Variants in PPP4R4 observed in about 807,000 individuals in gnomAD.
The protein encoded by PPP4R4 is protein phosphatase 4 regulatory subunit 4.
A neutral mutation model predicts 121.8 loss-of-function variants in PPP4R4; 70 were observed. The observed-to-expected ratio is 0.57, with a 90% CI of 0.47 to 0.70. The LOEUF (loss-of-function observed/expected upper bound fraction) is 0.70, where lower values mean the gene tolerates loss of function less well. Among genes scored for constraint, PPP4R4 ranks in the 30% least tolerant of loss-of-function variants. The probability of loss-of-function intolerance (pLI) is 0.00; values close to 1 mark genes in which losing one functional copy is unlikely to be tolerated. For synonymous variants in PPP4R4, 348 were observed against 355.7 expected (o/e 0.98, Z 0.24); for missense variants, 875 against 1,033.6 (o/e 0.85, Z 2.10).
At chr14:94,239,184 C>T (rs1224146751) in intron 8 of PPP4R4, among the ~76,000 whole-genome samples, 1 of 148,644 alleles carries the variant, frequency 6.7e-6, no homozygotes, top group Non-Finnish European at 1.5e-5. Context: ...TCCTAGCCAA[C>T]TCCTTCTGCT....
intron 2 of PPP4R4, among the ~76,000 whole-genome samples, chr14:94,190,402 G>A (rs1417195291): frequency 6.6e-6 from 1 of 151,960 alleles, no homozygotes; most frequent in Non-Finnish European, 1.5e-5. Context: ...GAGGTCAGGA[G>A]TTTGAGACCA....
At chr14:94,199,443 T>C (rs1008434864) in intron 2 of PPP4R4, among the ~76,000 whole-genome samples, 6 of 152,142 alleles carry the variant, frequency 3.9e-5, no homozygotes, top group Non-Finnish European at 5.9e-5. Context: ...TGTTACAGGG[T>C]GCTCTTTCAG....
At chr14:94,227,848 C>A in intron 3 of PPP4R4, 1 of 986,556 alleles carries the variant, frequency 1.0e-6, no homozygotes. Flanking sequence ...CTTCTGAAAC[C>A]TGTAAGTGAT....
At position 94,219,173 on chromosome 14, in the gene PPP4R4, G is replaced by A. The variant is rs561587974; in HGVS notation, c.294+10607G>A. 6.2e-5 allele frequency among the ~76,000 whole-genome samples: 9 copies of A among 144,082 alleles called. No homozygotes were observed. In the East Asian group the frequency reaches 1.9e-3, roughly 31 times the overall value. The allele number at this position is 144,082 out of a possible 152,430, so 94.5% of individuals were successfully genotyped here. A position where few individuals can be genotyped will look rare whatever the true frequency, so the allele number is the denominator to read the frequency against. On this transcript the variant is annotated intron_variant, in intron 3 of 24. Transcript: ENST00000304338. The stretch of plus-strand genomic sequence containing the variant: ...AGGCTCACTGCAACCTCTGCCTCCC[G>A]GGTTCAAGCGATTCTCCTGCCTCAG...
In PPP4R4 at chr14:94,266,040, T is replaced by C. The variant is rs3748324; in HGVS notation, c.2378+153T>C. On this transcript the variant is annotated intron_variant, in intron 22 of 24. Transcript: ENST00000304338. ...GAGTGTTCTTCTGTAGGGATTGTTA[T>C]ATTTAAAAATAAGAGACCTCCAACA... Among the ~76,000 whole-genome samples the C allele has an allele frequency of 6.3e-4, 96 of 152,276 alleles. 1 individual carries two copies. The East Asian group carries it at 0.017, about 26-fold the overall frequency.
intron 16 of PPP4R4, among the ~76,000 whole-genome samples, chr14:94,254,538 CT>C (rs1328254496): frequency 6.6e-6 from 1 of 152,070 alleles, no homozygotes; most frequent in Non-Finnish European, 1.5e-5. Context: ...CTTCTTTACC[CT>C]TTTTGGTTAA....
chr14:94,186,642 T>C (rs1889302287), intron 2 of PPP4R4, among the ~76,000 whole-genome samples: 2 of 152,218 alleles, frequency 1.3e-5, no homozygotes, highest in Admixed American at 1.3e-4. Context: ...ATATAGTAAA[T>C]ATATGTTTAT....
intron 3 of PPP4R4, among the ~76,000 whole-genome samples, chr14:94,218,470 C>T (rs1424286535): frequency 1.7e-5 from 2 of 117,038 alleles, no homozygotes; most frequent in East Asian, 2.8e-4. Flanking sequence ...ACCGCACGCG[C>T]GCACACACAC....
rs762078954 is a variant in PPP4R4 at position 94,230,664 on chromosome 14, A to C, written c.372A>C (p.Ser124=). The C allele has an allele frequency of 1.6e-5, 25 of 1,612,748 alleles. No individual in the cohort carries two copies. In the Admixed American group the frequency reaches 4.2e-4, roughly 27 times the overall value. Residue 124 remains serine (S), a synonymous_variant, in exon 4 of 25, where the codon TCA becomes TCC. Coordinates refer to ENST00000304338, the MANE Select transcript of PPP4R4 (RefSeq NM_058237.2). ...MSFLTILQDE[S]VSIHAYTHSF... ...TTCTGACCATTCTGCAGGACGAATC[A>C]GTGTCAATTCATGCATATACCCACT...
intron 2 of PPP4R4, among the ~76,000 whole-genome samples, chr14:94,189,453 T>G (rs1338368124): frequency 6.6e-6 from 1 of 152,212 alleles, no homozygotes; most frequent in Non-Finnish European, 1.5e-5. Context: ...TTACATTTCT[T>G]CTGATTCAGT....
At chr14:94,254,408 G>A (rs1387283039) in intron 16 of PPP4R4, among the ~76,000 whole-genome samples, 1 of 152,188 alleles carries the variant, frequency 6.6e-6, no homozygotes, top group African/African-American at 2.4e-5. Context: ...ATTTATTTGG[G>A]GGGATTGATA....
intron 2 of PPP4R4, among the ~76,000 whole-genome samples, chr14:94,199,776 G>A (rs1890075484): frequency 1.3e-5 from 2 of 152,206 alleles, no homozygotes. Flanking sequence ...GCCAGTGCCT[G>A]TTATTGTGCT....
chr14:94,232,171 CAGA>C (rs1892074432), intron 5 of PPP4R4, among the ~76,000 whole-genome samples: 1 of 151,928 alleles, frequency 6.6e-6, no homozygotes, highest in African/African-American at 2.4e-5. Context: ...ATTACAATGA[CAGA>C]AGAAGAAAAA....
At chr14:94,254,521 G>A (rs1377237323) in intron 16 of PPP4R4, among the ~76,000 whole-genome samples, 4 of 152,168 alleles carry the variant, frequency 2.6e-5, no homozygotes, top group African/African-American at 9.7e-5. Flanking sequence ...AAATTCTACA[G>A]GAGGAGCTTC....
chr14:94,233,241 A>G (rs1424872243), intron 5 of PPP4R4, among the ~76,000 whole-genome samples: 1 of 152,234 alleles, frequency 6.6e-6, no homozygotes, highest in Non-Finnish European at 1.5e-5. Context: ...ATTATTTAAT[A>G]GGATTTATTT....
Position 94,278,732 on chromosome 14 carries a change from TTTTTAAATTTTGGG to T in PPP4R4, c.*94_*107del, listed in dbSNP as rs778297406. Reference sequence around the variant, plus strand: ...AGCTAAAGCAGTGGCTGGGGCTTTGTTTTTAAATTTTGGGTTTTTTTTTTTGTTGTTGTTAATGA... The same window carrying T: ...AGCTAAAGCAGTGGCTGGGGCTTTGTTTTTTTTTTTTGTTGTTGTTAATGA... On this transcript the variant is annotated 3_prime_UTR_variant, in exon 25 of 25. Transcript: ENST00000304338. The T allele has an allele frequency of 3.8e-4, 494 of 1,308,788 alleles. No individual in the cohort carries two copies. Among genetic ancestry groups the T allele is most frequent in the Non-Finnish European group, 4.6e-4 (453 of 993,714 alleles). 81.1% of individuals were successfully genotyped at this position (1,308,788 alleles called of 1,614,324 possible).
At chr14:94,277,232 C>T (rs1169906670) in intron 24 of PPP4R4, among the ~76,000 whole-genome samples, 1 of 152,038 alleles carries the variant, frequency 6.6e-6, no homozygotes. Context: ...ACCCGGGAGG[C>T]GGAGGTTTCA....
chr14:94,232,749 A>G (rs1356352699), intron 5 of PPP4R4, among the ~76,000 whole-genome samples: 6 of 152,118 alleles, frequency 3.9e-5, no homozygotes. Flanking sequence ...TAGATGAGAA[A>G]CTGGAGATTA....
At chr14:94,196,433 C>G (rs1276256196) in intron 2 of PPP4R4, among the ~76,000 whole-genome samples, 3 of 151,076 alleles carry the variant, frequency 2.0e-5, no homozygotes, top group Non-Finnish European at 4.4e-5. Flanking sequence ...CCTGCCTCAG[C>G]CTCCCAAGTG....
Sources: allele counts gnomAD v4.1 joint callset (sites outside exome capture counted in the v4.1 genomes callset), GRCh38; gene constraint gnomAD v4.1.1; transcripts MANE v1.5; gene names NCBI Gene and HGNC (gene_info 2026-07-23, HGNC 2026-07-21).